NR6A1: variants seen among roughly 807,000 people sequenced by gnomAD.
The protein encoded by NR6A1 is retinoic acid receptor-related testis-associated receptor.
NR6A1 carries 7 observed loss-of-function variants against 59.1 expected under a neutral mutation model. That is an observed-to-expected ratio of 0.12 (90% CI 0.07 to 0.22). The LOEUF is 0.22. NR6A1 is among the 10% of genes least tolerant of loss of function. NR6A1 has a pLI of 1.00. For missense variants in NR6A1, 468 were observed against 611.6 expected (o/e 0.77, Z 2.48); for synonymous variants, 243 against 236.1 (o/e 1.03, Z -0.27).
chr9:124,580,016 TAAACAAAC>T (rs375963154), intron 2 of NR6A1, among the ~76,000 whole-genome samples: 4 of 152,048 alleles, frequency 2.6e-5, no homozygotes, highest in Admixed American at 2.0e-4. Flanking sequence ...GTCTCATAAA[TAAACAAAC>T]AAACAAACAA....
intron 1 of NR6A1, among the ~76,000 whole-genome samples, chr9:124,770,517 G>A (rs1841106746): frequency 6.6e-6 from 1 of 151,592 alleles, no homozygotes; most frequent in African/African-American, 2.4e-5. Flanking sequence ...GAGCGTCCTC[G>A]GTGGGAGGAG....
At chr9:124,725,216 C>CT (rs1839677730) in intron 2 of NR6A1, among the ~76,000 whole-genome samples, 1 of 152,064 alleles carries the variant, frequency 6.6e-6, no homozygotes, top group Admixed American at 6.6e-5. Context: ...TTGTCCCTAG[C>CT]TTATGCTAAT....
At chr9:124,745,710 C>T (rs907793855) in intron 1 of NR6A1, among the ~76,000 whole-genome samples, 5 of 141,972 alleles carry the variant, frequency 3.5e-5, no homozygotes, top group Non-Finnish European at 7.6e-5. Context: ...AGGCCGGGTG[C>T]GGTGGCTCAC....
At chr9:124,558,828 A>C (rs1833998033) in intron 2 of NR6A1, among the ~76,000 whole-genome samples, 1 of 151,946 alleles carries the variant, frequency 6.6e-6, no homozygotes, top group African/African-American at 2.4e-5. Context: ...CTGAAAACCA[A>C]CCAACCAACC....
chr9:124,607,790 A>G (rs747415509), intron 2 of NR6A1, among the ~76,000 whole-genome samples: 1 of 152,182 alleles, frequency 6.6e-6, no homozygotes, highest in Non-Finnish European at 1.5e-5. Context: ...AACACCTACA[A>G]TCCCAGCACT....
At chr9:124,698,988 T>C (rs762229996) in intron 2 of NR6A1, among the ~76,000 whole-genome samples, 1 of 152,128 alleles carries the variant, frequency 6.6e-6, no homozygotes, top group Non-Finnish European at 1.5e-5. Context: ...ATAGAAGAAA[T>C]CGCTTGAAAT....
Position 124,644,449 on chromosome 9 carries a change from A to G in NR6A1, c.142+88859T>C, listed in dbSNP as rs181480315. On this transcript the variant is annotated intron_variant, in intron 2 of 9. Coordinates refer to ENST00000487099, the MANE Select transcript of NR6A1 (RefSeq NM_033334.4). ...GTATTTTTAGTAGAGACAGGGTTTCACCATGTTGGCCAGGCTGGTCTCGAA... is the reference window on the plus strand; with the variant it reads ...GTATTTTTAGTAGAGACAGGGTTTCGCCATGTTGGCCAGGCTGGTCTCGAA... 2.9e-3 allele frequency among the ~76,000 whole-genome samples: 439 copies of G among 151,468 alleles called. 4 individuals are homozygous for G. Among genetic ancestry groups the G allele is most frequent in the African/African-American group, 0.01 (432 of 41,254 alleles).
chr9:124,581,198 A>G lies in NR6A1; in HGVS notation c.143-26628T>C, dbSNP rs1834753613. Among the ~76,000 whole-genome samples, 2 of 152,242 alleles carry G rather than the reference A, an allele frequency of 1.3e-5. 1 individual carries two copies. The highest frequency in any genetic ancestry group is 4.1e-4 in the South Asian group (2 of 4,826). On this transcript the variant is annotated intron_variant, in intron 2 of 9. Transcript: ENST00000487099. ...GGCAATACCATCAGTACATGGGAAG[A>G]GGCAAAGATTTCATGATGAAGATGC...
intron 2 of NR6A1, among the ~76,000 whole-genome samples, chr9:124,680,887 GC>G (rs1838132482): frequency 1.3e-5 from 2 of 152,188 alleles, no homozygotes; most frequent in Non-Finnish European, 1.5e-5. Context: ...CAAAGTCAAT[GC>G]TGGGTTAAAC....
At chr9:124,638,301 C>G (rs1836677286) in intron 2 of NR6A1, among the ~76,000 whole-genome samples, 1 of 151,866 alleles carries the variant, frequency 6.6e-6, no homozygotes, top group Non-Finnish European at 1.5e-5. Context: ...TTTGAAATCG[C>G]TGGCATAGGC....
At chr9:124,698,505 G>C (rs1281736193) in intron 2 of NR6A1, 1 of 152,126 alleles carries the variant, frequency 6.6e-6, no homozygotes, top group Non-Finnish European at 1.5e-5. Flanking sequence ...CACAATGAAG[G>C]AAATTCCAGC....
chr9:124,734,775 C>G (rs1839976128), intron 1 of NR6A1, among the ~76,000 whole-genome samples: 1 of 152,174 alleles, frequency 6.6e-6, no homozygotes, highest in African/African-American at 2.4e-5. Context: ...TGACCAAAAG[C>G]CAGACCAACA....
chr9:124,716,136 A>G (rs1839411947), intron 2 of NR6A1, among the ~76,000 whole-genome samples: 2 of 152,230 alleles, frequency 1.3e-5, no homozygotes, highest in Non-Finnish European at 2.9e-5. Context: ...CCCCAGGAAG[A>G]GGAGGCTGCA....
chr9:124,723,475 G>A (rs939481051), intron 2 of NR6A1, among the ~76,000 whole-genome samples: 1 of 152,138 alleles, frequency 6.6e-6, no homozygotes, highest in East Asian at 1.9e-4. Flanking sequence ...TCCTGTGACT[G>A]AACTATTTAA....
intron 2 of NR6A1, among the ~76,000 whole-genome samples, chr9:124,671,171 C>G (rs2130967484): frequency 6.6e-6 from 1 of 152,226 alleles, no homozygotes; most frequent in East Asian, 1.9e-4. Context: ...TGAAAAAGAT[C>G]TGGAGATCTG....
At chr9:124,669,611 C>A (rs778447950) in intron 2 of NR6A1, among the ~76,000 whole-genome samples, 2 of 152,186 alleles carry the variant, frequency 1.3e-5, no homozygotes, top group African/African-American at 4.8e-5. Context: ...ATCAAAATTT[C>A]TTGGGAGGAG....
chr9:124,601,392 G>A (rs1340762858), intron 2 of NR6A1, among the ~76,000 whole-genome samples: 2 of 151,428 alleles, frequency 1.3e-5, no homozygotes, highest in Non-Finnish European at 2.9e-5. Context: ...AGACCATCCT[G>A]GCGAACACAG....
intron 2 of NR6A1, among the ~76,000 whole-genome samples, chr9:124,674,147 G>A (rs186968253): frequency 6.6e-6 from 1 of 152,252 alleles, no homozygotes; most frequent in Admixed American, 6.5e-5. Flanking sequence ...CCCATAGTAA[G>A]TGCTCCATAA....
chr9:124,699,781 T>C (rs1037609588), intron 2 of NR6A1, among the ~76,000 whole-genome samples: 1 of 152,218 alleles, frequency 6.6e-6, no homozygotes, highest in East Asian at 1.9e-4. Context: ...TGTTCCTGTT[T>C]CCACTCCCAA....
Sources: allele counts gnomAD v4.1 joint callset (sites outside exome capture counted in the v4.1 genomes callset), GRCh38; gene constraint gnomAD v4.1.1; transcripts MANE v1.5; gene names NCBI Gene and HGNC (gene_info 2026-07-23, HGNC 2026-07-21).